ANO6: variants seen among roughly 807,000 people sequenced by gnomAD.
The protein encoded by ANO6 is anoctamin-6.
Under a neutral mutation model 117.5 loss-of-function variants are expected in ANO6, and 106 were observed. The observed-to-expected ratio is 0.90, with a 90% CI of 0.77 to 1.06. The LOEUF (loss-of-function observed/expected upper bound fraction) is 1.06. Ranked by LOEUF, ANO6 falls within the 50% of genes least tolerant of loss-of-function variation. The pLI, the probability that ANO6 is intolerant of heterozygous loss-of-function variation, is 0.00. For synonymous variants in ANO6, 367 were observed against 385.1 expected, an observed-to-expected ratio of 0.95 and a Z score of 0.55; for missense variants, 955 against 1,121.1, an observed-to-expected ratio of 0.85 and a Z score of 2.12.
chr12:45,221,152 C>T (rs532692192), intron 1 of ANO6, among the ~76,000 whole-genome samples: 9 of 152,246 alleles, frequency 5.9e-5, no homozygotes, highest in African/African-American at 2.2e-4. Context: ...ATTTAGAGGA[C>T]GCCCAGCTGG....
chr12:45,396,331 C>G (rs183842573), intron 12 of ANO6, among the ~76,000 whole-genome samples: 1 of 151,986 alleles, frequency 6.6e-6, no homozygotes, highest in South Asian at 2.1e-4. Context: ...CACTGCTCAA[C>G]GAAATAAAAG....
intron 2 of ANO6, among the ~76,000 whole-genome samples, chr12:45,314,372 G>A (rs116718414): frequency 0.019 from 2,888 of 151,180 alleles, 86 homozygotes; most frequent in African/African-American, 0.066. Flanking sequence ...ATTTTGGGAG[G>A]CCAAGACAAG....
At chr12:45,344,477 C>T (rs566816010) in intron 3 of ANO6, among the ~76,000 whole-genome samples, 2 of 152,242 alleles carry the variant, frequency 1.3e-5, no homozygotes, top group African/African-American at 4.8e-5. Context: ...GCACATCTTA[C>T]ATATCTGGAG....
chr12:45,338,997 G>A (rs958881680), intron 3 of ANO6, among the ~76,000 whole-genome samples: 7 of 152,064 alleles, frequency 4.6e-5, no homozygotes, highest in Non-Finnish European at 8.8e-5. Flanking sequence ...CATTTACCTG[G>A]TACCAGCAGG....
At position 45,401,951 on chromosome 12, in the gene ANO6, A is replaced by T; in HGVS notation, c.1543A>T (p.Ile515Phe). The T allele has an allele frequency of 6.2e-7, 1 of 1,614,090 alleles. No homozygotes were observed. Among genetic ancestry groups the T allele is most frequent in the Non-Finnish European group, 8.5e-7 (1 of 1,180,014 alleles). The change falls in exon 13 of 20, where the codon ATC (isoleucine) becomes TTC (phenylalanine). Residue 515 changes from isoleucine to phenylalanine, a missense_variant. Transcript: ENST00000320560. ...QTATSITASI[I>F]SFIIIMILNT... is the part of the protein sequence containing the mutation. ...AGCCACGTCCATCACGGCCTCCATCATCAGCTTTATAATTATCATGATTCT... is the reference window on the plus strand; with the variant it reads ...AGCCACGTCCATCACGGCCTCCATCTTCAGCTTTATAATTATCATGATTCT...
chr12:45,371,839 C>A (rs1479452901), intron 9 of ANO6, among the ~76,000 whole-genome samples: 1 of 152,198 alleles, frequency 6.6e-6, no homozygotes, highest in Non-Finnish European at 1.5e-5. Flanking sequence ...TCCTCACCAG[C>A]AACGGAACAA....
At chr12:45,399,431 T>C (rs886719154) in intron 12 of ANO6, among the ~76,000 whole-genome samples, 4 of 152,064 alleles carry the variant, frequency 2.6e-5, no homozygotes, top group African/African-American at 7.2e-5. Flanking sequence ...CCTGACCTCA[T>C]GATCTGCCCG....
intron 10 of ANO6, among the ~76,000 whole-genome samples, chr12:45,379,558 T>C (rs922625181): frequency 6.6e-6 from 1 of 152,230 alleles, no homozygotes; most frequent in African/African-American, 2.4e-5. Context: ...GCTTAGGTGC[T>C]GAACACATGG....
At chr12:45,285,471 C>T (rs1225292906) in intron 1 of ANO6, among the ~76,000 whole-genome samples, 4 of 152,162 alleles carry the variant, frequency 2.6e-5, no homozygotes. Context: ...AGGCCGGGGG[C>T]GGTGGCTCAC....
intron 19 of ANO6, among the ~76,000 whole-genome samples, chr12:45,437,629 G>A (rs148442598): frequency 1.6e-4 from 24 of 152,218 alleles, no homozygotes; most frequent in African/African-American, 5.5e-4. Flanking sequence ...GAGAGCAGCG[G>A]CGCAATCTCG....
chr12:45,389,807 T>C (rs1484298750), intron 11 of ANO6, among the ~76,000 whole-genome samples: 1 of 152,162 alleles, frequency 6.6e-6, no homozygotes, highest in African/African-American at 2.4e-5. Flanking sequence ...AAGGATTGAG[T>C]TAATGTATAG....
intron 1 of ANO6, among the ~76,000 whole-genome samples, chr12:45,274,017 C>T (rs1349518699): frequency 1.3e-5 from 2 of 152,170 alleles, no homozygotes; most frequent in South Asian, 2.1e-4. Context: ...TCTTTTTTTA[C>T]TTGGCTTCAT....
At chr12:45,291,940 C>T (rs1025064220) in intron 1 of ANO6, among the ~76,000 whole-genome samples, 1 of 152,084 alleles carries the variant, frequency 6.6e-6, no homozygotes, top group Non-Finnish European at 1.5e-5. Flanking sequence ...AATTATCGTA[C>T]GATCCACAGT....
chr12:45,278,851 A>C (rs1411089343), intron 1 of ANO6, among the ~76,000 whole-genome samples: 1 of 152,182 alleles, frequency 6.6e-6, no homozygotes, highest in Non-Finnish European at 1.5e-5. Flanking sequence ...ACTTCACTTT[A>C]GGGTGACCTG....
At chr12:45,231,175 T>G (rs1947568129) in intron 1 of ANO6, among the ~76,000 whole-genome samples, 1 of 152,200 alleles carries the variant, frequency 6.6e-6, no homozygotes, top group African/African-American at 2.4e-5. Context: ...CCTTAAGTAT[T>G]GTTAAAGTTT....
rs541904490 is a variant in ANO6, at chr12:45,272,579, G to A, written c.71-29435G>A. The stretch of plus-strand genomic sequence containing the variant: ...AGAAGAGACATTATTAACTATGAGC[G>A]TTTACCATGCTGGTGGAAGAGGGCT... On this transcript the variant is annotated intron_variant, in intron 1 of 19. Coordinates refer to ENST00000320560, the MANE Select transcript of ANO6 (RefSeq NM_001025356.3). Among the ~76,000 whole-genome samples the A allele has an allele frequency of 1.6e-4, 25 of 152,248 alleles. No individual in the cohort carries two copies. In the East Asian group the frequency reaches 2.9e-3, roughly 18 times the overall value.
At chr12:45,284,808 G>A (rs1036818051) in intron 1 of ANO6, among the ~76,000 whole-genome samples, 2 of 152,104 alleles carry the variant, frequency 1.3e-5, no homozygotes, top group African/African-American at 2.4e-5. Flanking sequence ...TAAATTTGGC[G>A]CATAAAAGGA....
At chr12:45,419,621 T>A (rs1943305448) in intron 17 of ANO6, among the ~76,000 whole-genome samples, 1 of 152,198 alleles carries the variant, frequency 6.6e-6, no homozygotes, top group Admixed American at 6.5e-5. Flanking sequence ...GCCTAAACCA[T>A]ATGTTCAGAT....
At position 45,429,462 on chromosome 12, in the gene ANO6, A is replaced by C; in HGVS notation, c.*151A>C. The stretch of plus-strand genomic sequence containing the variant: ...CATGTATTATTTTTCAGTTTCAGCT[A>C]GCGATGCAGAAACTGGAAAATGTAA... On this transcript the variant is annotated 3_prime_UTR_variant, in exon 20 of 20. Transcript: ENST00000320560. 1 of 1,468,706 alleles carries C rather than the reference A, an allele frequency of 6.8e-7. No individual in the cohort carries two copies. Among genetic ancestry groups the C allele is most frequent in the Admixed American group, 2.5e-5 (1 of 40,458 alleles). The allele number at this position is 1,468,706 out of a possible 1,614,324, so 91.0% of individuals were successfully genotyped here. A position where few individuals can be genotyped will look rare whatever the true frequency, so the allele number is the denominator to read the frequency against.
Sources: gnomAD v4.1 joint callset for allele counts (sites outside exome capture counted in the v4.1 genomes callset) on GRCh38, gnomAD v4.1.1 for gene constraint, MANE v1.5 for transcripts, NCBI Gene and HGNC (gene_info 2026-07-23, HGNC 2026-07-21) for gene names.